The following SCAP variants were observed in gnomAD, a reference collection of about 807,000 sequenced individuals.
SCAP encodes sterol regulatory element-binding protein cleavage-activating protein.
Under a neutral mutation model 123.6 loss-of-function variants are expected in SCAP, and 65 were observed. That is an observed-to-expected ratio of 0.53 (90% CI 0.43 to 0.65). The LOEUF (loss-of-function observed/expected upper bound fraction) is 0.65, where lower values mean the gene tolerates loss of function less well. Ranked by LOEUF, SCAP falls within the 30% of genes least tolerant of loss-of-function variation. The pLI is 0.00. For synonymous variants in SCAP, 740 were observed against 726.3 expected (o/e 1.02, Z -0.30); for missense variants, 1,398 against 1,712.5 (o/e 0.82, Z 3.24).
chr3:47,452,138 G>A (rs1707249725), intron 1 of SCAP, among the ~76,000 whole-genome samples: 1 of 152,138 alleles, frequency 6.6e-6, no homozygotes, highest in Non-Finnish European at 1.5e-5. Flanking sequence ...TTAAAACTCT[G>A]TAATTGTACA....
In SCAP at chr3:47,417,335, A is replaced by G. The variant is rs1351849465; in HGVS notation, c.2939T>C (p.Ile980Thr). The G allele has an allele frequency of 6.2e-7, 1 of 1,611,364 alleles. No homozygotes were observed. The change falls in exon 17 of 23, where the codon ATC (isoleucine) becomes ACC (threonine). Residue 980 changes from isoleucine to threonine, a missense_variant. Ile to Thr is a moderately conservative substitution (Grantham distance 89). Coordinates refer to ENST00000265565, the MANE Select transcript of SCAP (RefSeq NM_012235.4). ...CCGGCCGCTGCTCCGCCCCACCACGATGAGGTTGCCCTGCAGCTCCAAGCT... is the reference window on the plus strand; with the variant it reads ...CCGGCCGCTGCTCCGCCCCACCACGGTGAGGTTGCCCTGCAGCTCCAAGCT... ...IWSLELQGNL[I>T]VVGRSSGRLE...
At chr3:47,424,753 A>C (rs1653316331) in intron 8 of SCAP, among the ~76,000 whole-genome samples, 1 of 152,220 alleles carries the variant, frequency 6.6e-6, no homozygotes, top group Non-Finnish European at 1.5e-5. Context: ...AAGAGCAACG[A>C]AACTACCAGA....
chr3:47,433,029 T>A (rs1030277127), intron 3 of SCAP, among the ~76,000 whole-genome samples: 57 of 152,142 alleles, frequency 3.7e-4, no homozygotes, highest in African/African-American at 1.1e-3. Context: ...GGGCCACTGT[T>A]GGGAAGACCA....
chr3:47,445,037 G>A (rs774496564), intron 1 of SCAP, among the ~76,000 whole-genome samples: 12 of 152,098 alleles, frequency 7.9e-5, no homozygotes, highest in Non-Finnish European at 1.8e-4. Flanking sequence ...CTCCCAAAGT[G>A]CTGGGATTAC....
chr3:47,459,307 T>G (rs1266182221), intron 1 of SCAP, among the ~76,000 whole-genome samples: 1 of 152,194 alleles, frequency 6.6e-6, no homozygotes, highest in African/African-American at 2.4e-5. Flanking sequence ...TTTGCCTGAT[T>G]TCCTGCAAGA....
rs1167727125 is a variant in SCAP at position 47,417,688 on chromosome 3, C to T, written c.2586G>A (p.Pro862=). ...GCTGGTCCCCGAAGAGGGAAGGCGG[C>T]GGAGGGCCCCGGGGGCGGTGTCTCA... is the stretch of plus-strand genomic sequence containing the variant. ...PPLRHRPRGP[P]PPSLFGDQPD... The change falls in exon 17 of 23, where the codon CCG becomes CCA. Residue 862 remains proline (P), a synonymous_variant. Coordinates refer to ENST00000265565, the MANE Select transcript of SCAP (RefSeq NM_012235.4). 21 of 1,608,034 alleles carry T rather than the reference C, an allele frequency of 1.3e-5. No homozygotes were observed. The highest frequency in any genetic ancestry group is 4.1e-5 in the African/African-American group (3 of 73,932).
chr3:47,471,497 T>C (rs185891303), intron 1 of SCAP, among the ~76,000 whole-genome samples: 1 of 152,224 alleles, frequency 6.6e-6, no homozygotes, highest in African/African-American at 2.4e-5. Flanking sequence ...CTAGTATACT[T>C]AGAGGTATAC....
intron 1 of SCAP, among the ~76,000 whole-genome samples, chr3:47,458,994 G>A (rs1227027370): frequency 1.3e-5 from 2 of 152,252 alleles, no homozygotes; most frequent in Middle Eastern, 3.4e-3. Flanking sequence ...CAGTAGAGAT[G>A]GGGTTTCACC....
At position 47,414,102 on chromosome 3, in the gene SCAP, G is replaced by A. The variant is rs762114410; in HGVS notation, c.3595-3C>T. 2 of 1,613,432 alleles carry A rather than the reference G, an allele frequency of 1.2e-6. No homozygotes were observed. Among genetic ancestry groups the A allele is most frequent in the Non-Finnish European group, 1.7e-6 (2 of 1,180,024 alleles). On this transcript the variant is annotated splice_region_variant and splice_polypyrimidine_tract_variant and intron_variant, in intron 22 of 22. Transcript: ENST00000265565. ...AAGCTTGCACCACAGCCCAGGTCCTGGAGGCAAGGACATGACAAGCTCAGT... is the reference window on the plus strand; with the variant it reads ...AAGCTTGCACCACAGCCCAGGTCCTAGAGGCAAGGACATGACAAGCTCAGT...
rs770098764 is a variant in SCAP at position 47,427,238 on chromosome 3, T to C, written c.656A>G (p.Lys219Arg). The C allele has an allele frequency of 2.5e-6, 4 of 1,613,844 alleles. No homozygotes were observed. Among genetic ancestry groups the C allele is most frequent in the East Asian group, 4.5e-5 (2 of 44,864 alleles). Residue 219 changes from lysine (K) to arginine (R), a missense_variant, in exon 6 of 23, where the codon AAG (lysine) becomes AGG (arginine). Transcript: ENST00000265565. ...GGTGTAGAGGCTCACCCCGCTGTACTTCCCAGGAACACCAAATAACAAGTC... is the reference window on the plus strand; with the variant it reads ...GGTGTAGAGGCTCACCCCGCTGTACCTCCCAGGAACACCAAATAACAAGTC... The part of the protein sequence containing the change: ...LKDLLFGVPG[K>R]YSGVSLYTRK...
At chr3:47,418,591 TACTCTTGCCTACCCGTCCCCCTCCCCGC>T (rs1389824457) in intron 14 of SCAP, 36 bp downstream of exon 14, 1 of 1,449,598 alleles carries the variant, frequency 6.9e-7, no homozygotes, top group East Asian at 2.5e-5. Flanking sequence ...CCCTCTCCCC[TACTCTTGCCTACCCGTCCCCCTCCCCGC>T]ACTCTTTCCC....
At position 47,419,722 on chromosome 3, in the gene SCAP, G is replaced by T. The variant is rs1705805963; in HGVS notation, c.1564-18C>A. 6.6e-7 allele frequency: 1 copy of T among 1,512,950 alleles called. No individual in the cohort carries two copies. Among genetic ancestry groups the T allele is most frequent in the Non-Finnish European group, 8.8e-7 (1 of 1,131,316 alleles). The allele number at this position is 1,512,950 out of a possible 1,614,324, so 93.7% of individuals were successfully genotyped here. A position where few individuals can be genotyped will look rare whatever the true frequency, so the allele number is the denominator to read the frequency against. On this transcript the variant is annotated intron_variant, in intron 12 of 22. Transcript: ENST00000265565. The surrounding 1 kb of genome is among the most constrained non-coding windows in gnomAD (Gnocchi z 5.0). The stretch of plus-strand genomic sequence containing the variant: ...GTGCCAGCCTGCAGTGGGGCAGGGG[G>T]TACTCAGTGGGAGGAATGGGCCCCA...
intron 1 of SCAP, among the ~76,000 whole-genome samples, chr3:47,474,622 C>A (rs1474314423): frequency 3.3e-5 from 5 of 152,052 alleles, no homozygotes. Context: ...CAGCAAGACC[C>A]CCATCTCTAC....
rs74433472 is a variant in SCAP, at chr3:47,454,792, C to T, written c.-98-11701G>A. On this transcript the variant is annotated intron_variant, in intron 1 of 22. Coordinates refer to ENST00000265565, the MANE Select transcript of SCAP (RefSeq NM_012235.4). The stretch of plus-strand genomic sequence containing the variant: ...CACATATATATATAAAAAATAAATA[C>T]AGACTTCAACTAAATGTTTACATCT... Among the ~76,000 whole-genome samples the T allele has an allele frequency of 8.5e-3, 1,289 of 151,634 alleles. 19 individuals carry two copies. Among genetic ancestry groups the T allele is most frequent in the African/African-American group, 0.03 (1,230 of 41,386 alleles).
intron 2 of SCAP, 115 bp downstream of exon 2, chr3:47,442,757 A>T: frequency 1.1e-6 from 1 of 872,434 alleles, no homozygotes. Context: ...AAGGAGCCCA[A>T]GCTCCCATTG....
intron 1 of SCAP, among the ~76,000 whole-genome samples, chr3:47,464,165 C>T (rs1707744129): frequency 6.6e-6 from 1 of 152,030 alleles, no homozygotes; most frequent in East Asian, 1.9e-4. Flanking sequence ...ACAGGCGCTT[C>T]CCACTAAGCC....
At chr3:47,474,264 CAA>C (rs34683292) in intron 1 of SCAP, among the ~76,000 whole-genome samples, 1 of 137,022 alleles carries the variant, frequency 7.3e-6, no homozygotes, top group Non-Finnish European at 1.6e-5. Context: ...GACTCCATCT[CAA>C]AAAAAAAAAG....
At position 47,474,450 on chromosome 3, in the gene SCAP, C is replaced by A. The variant is rs1708190949; in HGVS notation, c.-99+1349G>T. 4.6e-5 allele frequency among the ~76,000 whole-genome samples: 7 copies of A among 152,132 alleles called. No individual in the cohort carries two copies. The South Asian group carries it at 1.5e-3, about 32-fold the overall frequency. ...CATCATGTGCTCAGTGGGAATACTG[C>A]AAATGTGTAAAACACCTAAAATGTA... On this transcript the variant is annotated intron_variant, in intron 1 of 22. Coordinates refer to ENST00000265565, the MANE Select transcript of SCAP (RefSeq NM_012235.4).
At chr3:47,417,941 GGGGGAGAGGGTGGTGCGGGGT>G (rs1271845013) in intron 16 of SCAP, 115 bp from the exon 17 acceptor site, 12 of 433,470 alleles carry the variant, frequency 2.8e-5, no homozygotes, top group Non-Finnish European at 5.0e-5. Flanking sequence ...AAAGGGGGTG[GGGGGAGAGGGTGGTGCGGGGT>G]GGGGAGAGGG....
Sources: allele counts gnomAD v4.1 joint callset (sites outside exome capture counted in the v4.1 genomes callset), GRCh38; gene constraint gnomAD v4.1.1; non-coding constraint Gnocchi (gnomAD v3.1); transcripts MANE v1.5; gene names NCBI Gene and HGNC (gene_info 2026-07-23, HGNC 2026-07-21).